The following EPB41L3 variants were observed in gnomAD, a reference collection of about 807,000 sequenced individuals.
EPB41L3 encodes the protein band 4.1-like protein 3.
In EPB41L3, 57 loss-of-function variants were observed where a neutral mutation model predicts 127.1. That is an observed-to-expected ratio of 0.45 (90% CI 0.36 to 0.56). EPB41L3 has a LOEUF of 0.56. EPB41L3 is among the 20% of genes least tolerant of loss of function. EPB41L3 has a pLI of 0.00. For synonymous variants in EPB41L3, 572 were observed against 549.5 expected (o/e 1.04, Z -0.57); for missense variants, 1,273 against 1,372.2 (o/e 0.93, Z 1.14).
chr18:5,488,887 G>T, intron 2 of EPB41L3, 114 bp downstream of exon 2: 1 of 1,156,030 alleles, frequency 8.7e-7, no homozygotes, highest in South Asian at 1.7e-5. Flanking sequence ...GGGCTAGAAG[G>T]GGAACAGCAG....
intron 8 of EPB41L3, among the ~76,000 whole-genome samples, chr18:5,429,905 A>C (rs1375111239): frequency 6.6e-6 from 1 of 152,100 alleles, no homozygotes; most frequent in East Asian, 1.9e-4. Flanking sequence ...TGTCTGCGCC[A>C]CCACTCAGAG....
At chr18:5,462,235 C>T (rs774781416) in intron 3 of EPB41L3, among the ~76,000 whole-genome samples, 76 of 152,158 alleles carry the variant, frequency 5.0e-4, no homozygotes, top group Non-Finnish European at 1.3e-4. Context: ...AGACATCAGT[C>T]GGTCCTCATA....
Position 5,397,442 on chromosome 18 carries a change from T to C in EPB41L3, c.2473-16A>G, listed in dbSNP as rs760161650. The C allele has an allele frequency of 2.2e-5, 35 of 1,595,174 alleles. No homozygotes were observed. Among genetic ancestry groups the C allele is most frequent in the Admixed American group, 1.7e-4 (10 of 58,428 alleles). Reference sequence around the variant, plus strand: ...TTTCCATTTTCTGCATGGGAAGAGATTGTGGCATCAGTGTGACCATCCATA... The same window carrying C: ...TTTCCATTTTCTGCATGGGAAGAGACTGTGGCATCAGTGTGACCATCCATA... On this transcript the variant is annotated splice_polypyrimidine_tract_variant and intron_variant, in intron 17 of 22. Transcript: ENST00000341928. The surrounding 1 kb of genome is among the most constrained non-coding windows in gnomAD (Gnocchi z 4.1).
intron 1 of EPB41L3, among the ~76,000 whole-genome samples, chr18:5,497,880 G>GATA (rs1323564399): frequency 6.6e-6 from 1 of 152,186 alleles, no homozygotes; most frequent in Non-Finnish European, 1.5e-5. Flanking sequence ...CCAACTAATG[G>GATA]ATAAATGACA....
rs370717420 is a variant in EPB41L3, at chr18:5,541,252, C to CAAAAAAAAA, written c.-12+2652_-12+2660dup. 2.0e-3 allele frequency among the ~76,000 whole-genome samples: 95 copies of CAAAAAAAAA among 46,760 alleles called. 18 individuals are homozygous for CAAAAAAAAA. The highest frequency in any genetic ancestry group is 8.7e-3 in the African/African-American group (79 of 9,092). The allele number at this position is 46,760 out of a possible 152,430, so 30.7% of individuals were successfully genotyped here. On this transcript the variant is annotated intron_variant, in intron 1 of 22. Coordinates refer to ENST00000341928, the MANE Select transcript of EPB41L3 (RefSeq NM_012307.5). ...TGGGTGACACAGAAGGACTCCATCTCAAAAAAAAAAAAAAAAAAAAAAAAA... is the reference window on the plus strand; with the variant it reads ...TGGGTGACACAGAAGGACTCCATCTCAAAAAAAAAAAAAAAAAAAAAAAAAAAAAAAAAA...
Position 5,416,243 on chromosome 18 carries a change from C to T in EPB41L3, c.1642G>A (p.Glu548Lys). ...KLPGYEPSRA[E>K]HLPGEPALDS... is the part of the protein sequence containing the mutation. Reference sequence around the variant, plus strand: ...AAGGCGGGCTCTCCAGGCAGGTGCTCAGCTCTGGACGGCTCATAACCTGGC... The same window carrying T: ...AAGGCGGGCTCTCCAGGCAGGTGCTTAGCTCTGGACGGCTCATAACCTGGC... Residue 548 changes from glutamate to lysine, a missense_variant, in exon 13 of 23, where the codon GAG becomes AAG. By Grantham distance (56) the Glu-to-Lys change is moderately conservative. Transcript: ENST00000341928. 6.2e-7 allele frequency: 1 copy of T among 1,614,154 alleles called. No homozygotes were observed. The highest frequency in any genetic ancestry group is 8.5e-7 in the Non-Finnish European group (1 of 1,180,038).
At chr18:5,407,594 C>G in intron 15 of EPB41L3, 107 bp downstream of exon 15, 1 of 1,168,916 alleles carries the variant, frequency 8.6e-7, no homozygotes, top group Non-Finnish European at 1.2e-6. Flanking sequence ...AACATGGTAA[C>G]CAGCTACAGA....
intron 16 of EPB41L3, among the ~76,000 whole-genome samples, chr18:5,404,753 T>G (rs1050393977): frequency 6.6e-6 from 1 of 152,230 alleles, no homozygotes; most frequent in Non-Finnish European, 1.5e-5. Flanking sequence ...CATTTAGTTT[T>G]GCTCTGTTTT....
chr18:5,469,385 C>T (rs1170860123), intron 3 of EPB41L3, among the ~76,000 whole-genome samples: 1 of 152,250 alleles, frequency 6.6e-6, no homozygotes, highest in Non-Finnish European at 1.5e-5. Context: ...CAGCCGCAGG[C>T]TTGCCCAGAG....
chr18:5,427,220 A>G (rs1201103584), intron 9 of EPB41L3, among the ~76,000 whole-genome samples: 1 of 152,280 alleles, frequency 6.6e-6, no homozygotes, highest in Non-Finnish European at 1.5e-5. Flanking sequence ...CCAGTAGAGA[A>G]GTAGATTTTG....
chr18:5,426,815 C>T (rs2078249996), intron 9 of EPB41L3, among the ~76,000 whole-genome samples: 2 of 152,142 alleles, frequency 1.3e-5, no homozygotes, highest in Admixed American at 1.3e-4. Context: ...TAGGTGCTCA[C>T]TTAACAAATG....
At chr18:5,576,134 T>C (rs2094334708) in intron 3 of EPB41L3, among the ~76,000 whole-genome samples, 4 of 152,362 alleles carry the variant, frequency 2.6e-5, no homozygotes, top group Admixed American at 2.6e-4. Context: ...TTATGGAAAG[T>C]AATTTTTATA....
chr18:5,485,619 G>A (rs763015747), intron 2 of EPB41L3, among the ~76,000 whole-genome samples: 5 of 151,902 alleles, frequency 3.3e-5, no homozygotes, highest in Admixed American at 1.3e-4. Flanking sequence ...AAAAAACTGT[G>A]AGAACTGATA....
intron 3 of EPB41L3, among the ~76,000 whole-genome samples, chr18:5,476,135 G>T (rs527595942): frequency 6.6e-5 from 10 of 151,876 alleles, no homozygotes; most frequent in Admixed American, 4.6e-4. Context: ...TCAACCAATC[G>T]GTTACAAATT....
Position 5,529,928 on chromosome 18 carries a change from ATGTG to A in EPB41L3, c.-12+13981_-12+13984del, listed in dbSNP as rs10611279. Among the ~76,000 whole-genome samples, 1,054 of 146,362 alleles carry A rather than the reference ATGTG, an allele frequency of 7.2e-3. 9 individuals carry two copies. Among genetic ancestry groups the A allele is most frequent in the Admixed American group, 0.032 (470 of 14,662 alleles). ...CACCAACCCCACCATCAACTCATAT[ATGTG>A]TGTGTGTGTGTGTGTGTGTGTGTGT... On this transcript the variant is annotated intron_variant, in intron 1 of 22. Coordinates refer to ENST00000341928, the MANE Select transcript of EPB41L3 (RefSeq NM_012307.5).
chr18:5,566,478 A>G (rs1448782023), intron 3 of EPB41L3, among the ~76,000 whole-genome samples: 1 of 152,214 alleles, frequency 6.6e-6, no homozygotes, highest in South Asian at 2.1e-4. Context: ...AAACAAATGG[A>G]AGAACATTCC....
intron 16 of EPB41L3, among the ~76,000 whole-genome samples, chr18:5,406,393 G>A (rs1598518562): frequency 6.6e-6 from 1 of 152,140 alleles, no homozygotes; most frequent in Non-Finnish European, 1.5e-5. Flanking sequence ...TCAACTTCAG[G>A]TTACCATTTA....
chr18:5,589,705 T>C (rs2094469649), intron 3 of EPB41L3, among the ~76,000 whole-genome samples: 1 of 152,228 alleles, frequency 6.6e-6, no homozygotes, highest in Non-Finnish European at 1.5e-5. Flanking sequence ...TCCAATATTT[T>C]GAAAAAGAAA....
chr18:5,394,575 G>A, intron 22 of EPB41L3, 102 bp downstream of exon 22: 1 of 822,964 alleles, frequency 1.2e-6, no homozygotes, highest in Non-Finnish European at 2.0e-6. Context: ...AAATGCCAGT[G>A]AGAGAACAGA....
Sources: allele counts gnomAD v4.1 joint callset (sites outside exome capture counted in the v4.1 genomes callset), GRCh38; gene constraint gnomAD v4.1.1; non-coding constraint Gnocchi (gnomAD v3.1); transcripts MANE v1.5; gene names NCBI Gene and HGNC (gene_info 2026-07-23, HGNC 2026-07-21).